The following EPC1 variants were observed in gnomAD, a reference collection of about 807,000 sequenced individuals.
EPC1 encodes the protein enhancer of polycomb 1.
EPC1 carries 12 observed loss-of-function variants against 98.4 expected under a neutral mutation model. That is an observed-to-expected ratio of 0.12 (90% CI 0.08 to 0.20). EPC1 has a LOEUF of 0.20. Among genes scored for constraint, EPC1 ranks in the 10% least tolerant of loss-of-function variants. The pLI is 1.00. For missense variants in EPC1, 729 were observed against 990.5 expected, an observed-to-expected ratio of 0.74 and a Z score of 3.54; for synonymous variants, 357 against 363.9, an observed-to-expected ratio of 0.98 and a Z score of 0.21.
intron 10 of EPC1, among the ~76,000 whole-genome samples, chr10:32,278,385 GT>G (rs1164062355): frequency 5.9e-4 from 28 of 47,518 alleles, no homozygotes; most frequent in East Asian, 1.2e-3. Context: ...TTTTTTTTTT[GT>G]TTTTTTTTTT....
At position 32,287,158 on chromosome 10, in the gene EPC1, G is replaced by T; in HGVS notation, c.1092C>A (p.Phe364Leu). 1 of 1,614,132 alleles carries T rather than the reference G, an allele frequency of 6.2e-7. No homozygotes were observed. The highest frequency in any genetic ancestry group is 8.5e-7 in the Non-Finnish European group (1 of 1,180,018). ...QQTSPAALPVFNAKDLNQYDF... is the reference protein window; with the variant it reads ...QQTSPAALPVLNAKDLNQYDF... ...CATACTGATTCAGATCTTTAGCATT[G>T]AAGACTGGCAGTGCAGCAGGACTCG... The change falls in exon 7 of 14, where the codon TTC becomes TTA. Residue 364 changes from phenylalanine to leucine, a missense_variant. This residue lies in a region of EPC1 where 390 missense variants were observed against 438.6 expected (regional missense o/e 0.89). Coordinates refer to ENST00000319778, the MANE Select transcript of EPC1 (RefSeq NM_001272004.3).
At chr10:32,320,100 C>T (rs748976218) in intron 1 of EPC1, among the ~76,000 whole-genome samples, 8 of 151,810 alleles carry the variant, frequency 5.3e-5, no homozygotes, top group Admixed American at 3.9e-4. Context: ...AGTGTTAACA[C>T]GTCTGGGTAA....
At chr10:32,355,007 A>G (rs1159617694) in intron 1 of EPC1, among the ~76,000 whole-genome samples, 1 of 152,230 alleles carries the variant, frequency 6.6e-6, no homozygotes, top group African/African-American at 2.4e-5. Flanking sequence ...GAACTGTTTC[A>G]TTATATATTA....
At chr10:32,273,580 G>A (rs1835941216) in intron 10 of EPC1, among the ~76,000 whole-genome samples, 2 of 151,894 alleles carry the variant, frequency 1.3e-5, no homozygotes, top group African/African-American at 4.8e-5. Flanking sequence ...TGTGACACTT[G>A]TTCTACACAG....
At chr10:32,326,408 T>C (rs182439502) in intron 1 of EPC1, among the ~76,000 whole-genome samples, 9 of 152,258 alleles carry the variant, frequency 5.9e-5, no homozygotes, top group Admixed American at 2.6e-4. Flanking sequence ...TACTGCTGTA[T>C]CACCCTGGTT....
intron 1 of EPC1, among the ~76,000 whole-genome samples, chr10:32,308,141 C>T (rs923940965): frequency 6.6e-6 from 1 of 152,108 alleles, no homozygotes; most frequent in African/African-American, 2.4e-5. Context: ...AATCCCAGCA[C>T]TTTTGGGAGG....
At position 32,318,626 on chromosome 10, in the gene EPC1, C is replaced by G. The variant is rs961847910; in HGVS notation, c.154-12695G>C. Among the ~76,000 whole-genome samples, 115 of 152,340 alleles carry G rather than the reference C, an allele frequency of 7.5e-4. 1 individual carries two copies. The highest frequency in any genetic ancestry group is 2.8e-3 in the African/African-American group (115 of 41,570). On this transcript the variant is annotated intron_variant, in intron 1 of 13. Transcript: ENST00000319778. ...TGACTCTCCAAATCTGTTCCTCCTC[C>G]TGACCTACGTCAGCAAGTTTCACTG...
chr10:32,311,786 C>T (rs1490678336), intron 1 of EPC1, among the ~76,000 whole-genome samples: 1 of 152,136 alleles, frequency 6.6e-6, no homozygotes, highest in East Asian at 1.9e-4. Context: ...TAACAATATA[C>T]TGTGACAGGT....
intron 6 of EPC1, among the ~76,000 whole-genome samples, chr10:32,289,466 T>TG (rs5784279): frequency 0.72 from 108,384 of 151,458 alleles, 38,871 homozygotes; most frequent in Middle Eastern, 0.78. Flanking sequence ...TCATTCTAAC[T>TG]GTGTGGCAGG....
chr10:32,292,823 T>G (rs905878808), intron 4 of EPC1, among the ~76,000 whole-genome samples, 165 bp downstream of exon 4: 7 of 152,110 alleles, frequency 4.6e-5, no homozygotes, highest in African/African-American at 1.4e-4. Context: ...AACATTAAAA[T>G]ATAACATTAA....
intron 1 of EPC1, among the ~76,000 whole-genome samples, chr10:32,357,006 C>A (rs1260838150): frequency 6.6e-6 from 1 of 151,890 alleles, no homozygotes; most frequent in African/African-American, 2.4e-5. Context: ...AAAAAATTTA[C>A]CAAAGCCCCC....
At chr10:32,338,408 G>A (rs1436409226) in intron 1 of EPC1, among the ~76,000 whole-genome samples, 1 of 152,090 alleles carries the variant, frequency 6.6e-6, no homozygotes, top group African/African-American at 2.4e-5. Flanking sequence ...TTCTCCACAT[G>A]GTAGCCAGAA....
At chr10:32,349,507 A>T (rs1284922552), upstream of EPC1, among the ~76,000 whole-genome samples, 1 of 152,162 alleles carries the variant, frequency 6.6e-6, no homozygotes, top group Non-Finnish European at 1.5e-5. Context: ...GTGGATTTCC[A>T]ACTCTCAGGT....
chr10:32,373,255 T>TG (rs1450310590), intron 1 of EPC1, among the ~76,000 whole-genome samples: 3 of 152,172 alleles, frequency 2.0e-5, no homozygotes, highest in African/African-American at 7.2e-5. Flanking sequence ...TTCCTAATTT[T>TG]GTGTGAAGAT....
chr10:32,371,869 C>T (rs145673563), intron 1 of EPC1, among the ~76,000 whole-genome samples: 38 of 152,076 alleles, frequency 2.5e-4, no homozygotes, highest in African/African-American at 8.9e-4. Flanking sequence ...AGCCACTGCA[C>T]TTCAGACTGG....
chr10:32,312,655 C>T (rs2132858157), intron 1 of EPC1, among the ~76,000 whole-genome samples: 1 of 152,312 alleles, frequency 6.6e-6, no homozygotes, highest in Admixed American at 6.5e-5. Context: ...GCTGTTATCA[C>T]CACCCTAAAA....
chr10:32,282,427 G>T, intron 10 of EPC1: 1 of 152,388 alleles, frequency 6.6e-6, no homozygotes, highest in Non-Finnish European at 1.5e-5. Context: ...GGCTGAGGTT[G>T]GGGGATCACT....
At chr10:32,324,100 T>G (rs1796923247) in intron 1 of EPC1, among the ~76,000 whole-genome samples, 1 of 151,910 alleles carries the variant, frequency 6.6e-6, no homozygotes, top group African/African-American at 2.4e-5. Context: ...CACGCCTGGC[T>G]AATTTTTTTG....
intron 1 of EPC1, chr10:32,345,657 G>T (rs776880102): frequency 1.1e-5 from 11 of 984,356 alleles, no homozygotes; most frequent in Non-Finnish European, 1.2e-5. Context: ...CTATTATCCT[G>T]GTGTCCGAAC....
Sources: gnomAD v4.1 joint callset for allele counts (sites outside exome capture counted in the v4.1 genomes callset) on GRCh38, gnomAD v4.1.1 for gene constraint, gnomAD v4.1.1 regional missense constraint, MANE v1.5 for transcripts, NCBI Gene and HGNC (gene_info 2026-07-23, HGNC 2026-07-21) for gene names.